The following PTGES3 variants were observed in gnomAD, a reference collection of about 807,000 sequenced individuals.
PTGES3 encodes Hsp90 co-chaperone.
Under a neutral mutation model 29.9 loss-of-function variants are expected in PTGES3, and 5 were observed. The ratio of observed to expected loss-of-function variants is 0.17; its 90% CI spans 0.09 to 0.35. The LOEUF (loss-of-function observed/expected upper bound fraction) is 0.35, where lower values mean the gene tolerates loss of function less well. Ranked by LOEUF, PTGES3 falls within the 10% of genes least tolerant of loss-of-function variation. The pLI, the probability that PTGES3 is intolerant of heterozygous loss-of-function variation, is 1.00. For synonymous variants in PTGES3, 49 were observed against 57.8 expected (o/e 0.85, Z 0.69); for missense variants, 128 against 190.0 (o/e 0.67, Z 1.92).
intron 1 of PTGES3, among the ~76,000 whole-genome samples, chr12:56,677,221 A>G (rs1190504360): frequency 7.3e-5 from 11 of 151,612 alleles, no homozygotes; most frequent in African/African-American, 2.7e-4. Flanking sequence ...CCTGGGCGAC[A>G]GAGTGAGACT....
chr12:56,679,264 T>G (rs191964628), intron 1 of PTGES3, among the ~76,000 whole-genome samples: 1 of 152,024 alleles, frequency 6.6e-6, no homozygotes, highest in Admixed American at 6.6e-5. Context: ...CAAAAATTAG[T>G]TGGGCATGGT....
intron 5 of PTGES3, among the ~76,000 whole-genome samples, chr12:56,667,879 G>A (rs1184218259): frequency 6.6e-6 from 1 of 152,174 alleles, no homozygotes; most frequent in Non-Finnish European, 1.5e-5. Flanking sequence ...AGGCCAAGGC[G>A]GGTGGATCAC....
intron 4 of PTGES3, 79 bp from the exon 5 acceptor site, chr12:56,670,443 C>T (rs1951959530): frequency 1.9e-6 from 2 of 1,058,096 alleles, no homozygotes; most frequent in South Asian, 2.6e-5. Context: ...GTTTTCTTTT[C>T]TTCTAAAGAG....
chr12:56,677,738 G>A (rs1592266571), intron 1 of PTGES3, among the ~76,000 whole-genome samples: 3 of 152,050 alleles, frequency 2.0e-5, no homozygotes, highest in Admixed American at 6.6e-5. Context: ...GTTTTTAGAA[G>A]ATGAAACTTA....
intron 1 of PTGES3, among the ~76,000 whole-genome samples, chr12:56,686,168 C>A (rs1418982572): frequency 2.6e-5 from 4 of 151,770 alleles, no homozygotes; most frequent in Non-Finnish European, 5.9e-5. Context: ...CCATCAAATG[C>A]TTCTACTTCA....
chr12:56,681,851 CA>C (rs894477703), intron 1 of PTGES3, among the ~76,000 whole-genome samples: 1 of 151,012 alleles, frequency 6.6e-6, no homozygotes, highest in Non-Finnish European at 1.5e-5. Flanking sequence ...AGCAAGACTC[CA>C]TCTCAAAAAA....
At chr12:56,666,307 G>A (rs573117810) in intron 5 of PTGES3, 41 bp from the exon 6 acceptor site, 3 of 1,593,526 alleles carry the variant, frequency 1.9e-6, no homozygotes, top group Non-Finnish European at 2.6e-6. Context: ...ATGATGTTAA[G>A]TTAGGCCCTA....
intron 1 of PTGES3, among the ~76,000 whole-genome samples, chr12:56,686,636 C>CAA (rs912068815): frequency 1.3e-5 from 2 of 152,246 alleles, no homozygotes; most frequent in Non-Finnish European, 2.9e-5. Flanking sequence ...CTCGGCCTCT[C>CAA]AGAGTGCTGG....
chr12:56,673,040 C>A lies in PTGES3; in HGVS notation c.28G>T (p.Asp10Tyr). ...TCAATGAAGACATAGTCCCTTCGAT[C>A]GTACCACTTTGCAGAAGCAGGCTGC... Reference protein sequence around the residue: MQPASAKWYDRRDYVFIEFC... With the variant: MQPASAKWYYRRDYVFIEFC... The change falls in exon 2 of 8, where the codon GAT (aspartate) becomes TAT (tyrosine). Residue 10 changes from aspartate (D) to tyrosine (Y), a missense_variant. Asp to Tyr is a radical substitution (Grantham distance 160). Coordinates refer to ENST00000262033, the MANE Select transcript of PTGES3 (RefSeq NM_006601.7). 6.2e-7 allele frequency: 1 copy of A among 1,605,874 alleles called. No homozygotes were observed. The highest frequency in any genetic ancestry group is 1.1e-5 in the South Asian group (1 of 88,450).
chr12:56,666,148 G>C, intron 6 of PTGES3, 56 bp downstream of exon 6: 1 of 1,512,278 alleles, frequency 6.6e-7, no homozygotes, highest in Non-Finnish European at 8.9e-7. Context: ...TAAATATGTT[G>C]TTTCTTACTA....
In PTGES3 at chr12:56,664,810, G is replaced by A. The variant is rs969926860; in HGVS notation, c.439-10C>T. ...CACTGTCTTGTGAATCCTGAAAGAG[G>A]GAAAATAAAGTTACCGAGCTGATCA... On this transcript the variant is annotated splice_polypyrimidine_tract_variant and intron_variant, in intron 6 of 7. Coordinates refer to ENST00000262033, the MANE Select transcript of PTGES3 (RefSeq NM_006601.7). 1.1e-5 allele frequency: 18 copies of A among 1,596,348 alleles called. No homozygotes were observed. The Admixed American group carries it at 2.4e-4, about 22-fold the overall frequency.
At chr12:56,677,802 T>C (rs1406402304) in intron 1 of PTGES3, among the ~76,000 whole-genome samples, 2 of 152,120 alleles carry the variant, frequency 1.3e-5, no homozygotes, top group South Asian at 2.1e-4. Context: ...CTGAAACTAA[T>C]AGTTTGCTTA....
rs1000051164 is a variant in PTGES3 at position 56,680,350 on chromosome 12, T to C, written c.3-7285A>G. Reference sequence around the variant, plus strand: ...TCAGTCCCCCAAAGTGGTGGGATTATAGGTGTGAGTCACTGCACCCAACCC... The same window carrying C: ...TCAGTCCCCCAAAGTGGTGGGATTACAGGTGTGAGTCACTGCACCCAACCC... On this transcript the variant is annotated intron_variant, in intron 1 of 7. Transcript: ENST00000262033. Among the ~76,000 whole-genome samples, 9 of 151,858 alleles carry C rather than the reference T, an allele frequency of 5.9e-5. No homozygotes were observed. In the East Asian group the frequency reaches 9.7e-4, roughly 16 times the overall value.
chr12:56,683,976 A>C (rs980881953), intron 1 of PTGES3, among the ~76,000 whole-genome samples: 5 of 151,620 alleles, frequency 3.3e-5, no homozygotes, highest in Non-Finnish European at 7.4e-5. Context: ...AAAAAACAAA[A>C]AAAACAAACA....
At chr12:56,675,004 CAA>C (rs1177350725) in intron 1 of PTGES3, among the ~76,000 whole-genome samples, 1,171 of 32,294 alleles carry the variant, frequency 0.036, 20 homozygotes, top group African/African-American at 0.13. Flanking sequence ...AACTCGGTCT[CAA>C]AAAAAAAAAA....
chr12:56,666,020 C>T, intron 6 of PTGES3, 184 bp downstream of exon 6: 2 of 1,362,492 alleles, frequency 1.5e-6, no homozygotes. Context: ...TACGGTACAA[C>T]CAGTTCCCTA....
chr12:56,673,744 G>C (rs918926345), intron 1 of PTGES3, among the ~76,000 whole-genome samples: 3 of 145,092 alleles, frequency 2.1e-5, no homozygotes, highest in African/African-American at 7.8e-5. Context: ...AATGAGCCGA[G>C]ATTGCGCCAT....
intron 6 of PTGES3, 180 bp downstream of exon 6, chr12:56,666,024 T>C: frequency 7.3e-7 from 1 of 1,368,476 alleles, no homozygotes; most frequent in Non-Finnish European, 9.5e-7. Context: ...GTACAACCAG[T>C]TCCCTAATAG....
intron 1 of PTGES3, chr12:56,686,830 C>T: frequency 2.5e-6 from 1 of 398,320 alleles, no homozygotes. Context: ...ATATACTCAG[C>T]CTCAGTATCA....
Sources: allele counts gnomAD v4.1 joint callset (sites outside exome capture counted in the v4.1 genomes callset), GRCh38; gene constraint gnomAD v4.1.1; transcripts MANE v1.5; gene names NCBI Gene and HGNC (gene_info 2026-07-23, HGNC 2026-07-21).